KCNQ1: variants seen among roughly 807,000 people sequenced by gnomAD.
KCNQ1 encodes potassium voltage-gated channel subfamily KQT member 1.
A neutral mutation model predicts 72.4 loss-of-function variants in KCNQ1; 49 were observed. The ratio of observed to expected loss-of-function variants is 0.68; its 90% CI spans 0.54 to 0.86. The LOEUF (loss-of-function observed/expected upper bound fraction) is 0.86. KCNQ1 is among the 40% of genes least tolerant of loss of function. The pLI is 0.00. For synonymous variants in KCNQ1, 450 were observed against 412.6 expected (o/e 1.09, Z -1.10); for missense variants, 790 against 945.1 (o/e 0.84, Z 2.15).
intron 10 of KCNQ1, chr11:2,650,430 G>C (rs191052632): frequency 2.5e-6 from 1 of 398,426 alleles, no homozygotes; most frequent in Non-Finnish European, 4.4e-6. Flanking sequence ...CTGTACACGC[G>C]TCTGTAGTAT....
chr11:2,600,264 C>T lies in KCNQ1; in HGVS notation c.1393+11410C>T, dbSNP rs965855159. Among the ~76,000 whole-genome samples the T allele has an allele frequency of 1.3e-5, 2 of 152,134 alleles. No individual in the cohort carries two copies. The highest frequency in any genetic ancestry group is 4.8e-5 in the African/African-American group (2 of 41,410). On this transcript the variant is annotated intron_variant, in intron 10 of 15. Transcript: ENST00000155840. The surrounding 1 kb of genome is among the most constrained non-coding windows in gnomAD (Gnocchi z 5.6). ...ATGTCCCCTGGAGGGCAAAATTGCC[C>T]CCAGTTGTGACCTGCTGAGCTAAAG...
intron 1 of KCNQ1, among the ~76,000 whole-genome samples, chr11:2,456,956 A>C (rs56120872): frequency 0.78 from 82,438 of 105,970 alleles, 32,322 homozygotes; most frequent in Non-Finnish European, 0.87. Flanking sequence ...AAAAAAAAAA[A>C]AAAAAAAAAC....
rs1397504248 is a variant in KCNQ1, at chr11:2,715,600, G to A, written c.1515-53244G>A. 6.6e-6 allele frequency among the ~76,000 whole-genome samples: 1 copy of A among 152,088 alleles called. No individual in the cohort carries two copies. Among genetic ancestry groups the A allele is most frequent in the Non-Finnish European group, 1.5e-5 (1 of 68,002 alleles). ...CACCACCCCTGCTGGGGTCCCCTGG[G>A]ACCCATCCTTCCAAGCCCCTGCCAG... On this transcript the variant is annotated intron_variant, in intron 11 of 15. Transcript: ENST00000155840. The surrounding 1 kb of genome is among the most constrained non-coding windows in gnomAD (Gnocchi z 4.9).
rs1386803007 is a variant in KCNQ1, at chr11:2,734,752, GC to G, written c.1515-34091del. Among the ~76,000 whole-genome samples the G allele has an allele frequency of 6.6e-6, 1 of 151,926 alleles. No homozygotes were observed. The highest frequency in any genetic ancestry group is 1.5e-5 in the Non-Finnish European group (1 of 67,962). ...AGCTGCTATGTAGACAGAAGCGAGG[GC>G]AAGACCACCGCTCCTCCGCCATAAA... On this transcript the variant is annotated intron_variant, in intron 11 of 15. Coordinates refer to ENST00000155840, the MANE Select transcript of KCNQ1 (RefSeq NM_000218.3). The surrounding 1 kb of genome is among the most constrained non-coding windows in gnomAD (Gnocchi z 7.0).
intron 15 of KCNQ1, among the ~76,000 whole-genome samples, chr11:2,814,322 G>A (rs971386493): frequency 9.9e-5 from 15 of 151,756 alleles, no homozygotes; most frequent in East Asian, 1.9e-4. Flanking sequence ...TGGATGGATC[G>A]ATGGGTGTGT....
intron 1 of KCNQ1, among the ~76,000 whole-genome samples, chr11:2,459,147 G>T (rs997807651): frequency 6.6e-6 from 1 of 152,166 alleles, no homozygotes; most frequent in African/African-American, 2.4e-5. Context: ...CTCCCAGCTG[G>T]CCATGTTACC....
At chr11:2,780,843 T>C (rs567068272) in intron 15 of KCNQ1, among the ~76,000 whole-genome samples, 1 of 152,300 alleles carries the variant, frequency 6.6e-6, no homozygotes, top group South Asian at 2.1e-4. Context: ...GTCTCCCTTC[T>C]CGTCACAGTC....
At chr11:2,523,659 C>T (rs1240948450) in intron 1 of KCNQ1, among the ~76,000 whole-genome samples, 1 of 151,920 alleles carries the variant, frequency 6.6e-6, no homozygotes, top group Non-Finnish European at 1.5e-5. Context: ...GGGGTTATCT[C>T]AGCTTCCACA....
chr11:2,693,309 G>A (rs1257652491), intron 11 of KCNQ1: 8 of 398,658 alleles, frequency 2.0e-5, no homozygotes, highest in African/African-American at 4.1e-5. Flanking sequence ...AGCACCCACA[G>A]GCCTGGGCCC....
intron 5 of KCNQ1, 133 bp from the exon 6 acceptor site, chr11:2,572,713 C>T: frequency 8.6e-7 from 1 of 1,167,084 alleles, no homozygotes; most frequent in Non-Finnish European, 1.2e-6. Context: ...TGAAGCCGGC[C>T]CTGTGCATGT....
intron 11 of KCNQ1, chr11:2,675,862 C>T (rs887569071): frequency 2.8e-5 from 11 of 398,590 alleles, no homozygotes; most frequent in African/African-American, 1.6e-4. Context: ...CCAACACCTG[C>T]CTTCTGGGGA....
chr11:2,445,573 C>T, intron 1 of KCNQ1, 89 bp downstream of exon 1: 1 of 1,445,732 alleles, frequency 6.9e-7, no homozygotes, highest in Non-Finnish European at 9.4e-7. Flanking sequence ...CCTGCCCCGT[C>T]GGAGCTGCGA....
rs140770541 is a variant in KCNQ1 at position 2,652,215 on chromosome 11, G to A, written c.1394-9746G>A. 40 of 398,490 alleles carry A rather than the reference G, an allele frequency of 1.0e-4. No homozygotes were observed. The highest frequency in any genetic ancestry group is 1.3e-4 in the Admixed American group (3 of 22,712). The allele number at this position is 398,490 out of a possible 1,614,324, so 24.7% of individuals were successfully genotyped here. On this transcript the variant is annotated intron_variant, in intron 10 of 15. Transcript: ENST00000155840. This position sits in a 1 kb window ranked among gnomAD's most constrained non-coding sequence, Gnocchi z 5.9. ...GATTTGGTAGCCAGGGCCTGGAGCCGGATGCTGAGAATGAGGCCTGCAACT... is the reference window on the plus strand; with the variant it reads ...GATTTGGTAGCCAGGGCCTGGAGCCAGATGCTGAGAATGAGGCCTGCAACT...
In KCNQ1 at chr11:2,733,796, A is replaced by T. The variant is rs1456753471; in HGVS notation, c.1515-35048A>T. Among the ~76,000 whole-genome samples the T allele has an allele frequency of 1.6e-3, 102 of 65,638 alleles. 3 individuals are homozygous for T. The highest frequency in any genetic ancestry group is 4.3e-3 in the African/African-American group (50 of 11,562). 43.1% of individuals were successfully genotyped at this position (65,638 alleles called of 152,430 possible). Reference sequence around the variant, plus strand: ...CTTCCACACACACACACACACACACACACACACACACACACACACTCTCTC... The same window carrying T: ...CTTCCACACACACACACACACACACTCACACACACACACACACACTCTCTC... On this transcript the variant is annotated intron_variant, in intron 11 of 15. Transcript: ENST00000155840.
intron 11 of KCNQ1, among the ~76,000 whole-genome samples, chr11:2,707,538 A>AGACCTGCCAGGCTCTCAGAGCAGCCTG (rs1850930458): frequency 1.3e-5 from 2 of 152,000 alleles, no homozygotes; most frequent in Non-Finnish European, 2.9e-5. Flanking sequence ...TCCAGCTCTG[A>AGACCTGCCAGGCTCTCAGAGCAGCCTG]GACCTGCCAG....
Position 2,659,494 on chromosome 11 carries a change from A to T in KCNQ1, c.1394-2467A>T. 1 of 398,532 alleles carries T rather than the reference A, an allele frequency of 2.5e-6. No individual in the cohort carries two copies. Among genetic ancestry groups the T allele is most frequent in the Non-Finnish European group, 4.4e-6 (1 of 226,016 alleles). 24.7% of individuals were successfully genotyped at this position (398,532 alleles called of 1,614,324 possible). On this transcript the variant is annotated intron_variant, in intron 10 of 15. Transcript: ENST00000155840. The surrounding 1 kb of genome is among the most constrained non-coding windows in gnomAD (Gnocchi z 4.3). ...TTGCATGAATATATACATTTTGTTT[A>T]TGCATTCACCTGTTGAAGGACATCT... is the stretch of plus-strand genomic sequence containing the variant.
rs562981831 is a variant in KCNQ1 at position 2,627,674 on chromosome 11, A to ATG, written c.1394-34273_1394-34272dup. The ATG allele has an allele frequency of 7.3e-5, 29 of 397,748 alleles. No homozygotes were observed. The highest frequency in any genetic ancestry group is 9.3e-5 in the Non-Finnish European group (21 of 225,726). 24.6% of individuals were successfully genotyped at this position (397,748 alleles called of 1,614,324 possible). ...AATATTTCATTGTGTGTGTGTATAT[A>ATG]TGTGTGTGTGTGTGTCTGTATGTAT... On this transcript the variant is annotated intron_variant, in intron 10 of 15. Coordinates refer to ENST00000155840, the MANE Select transcript of KCNQ1 (RefSeq NM_000218.3). The surrounding 1 kb of genome is among the most constrained non-coding windows in gnomAD (Gnocchi z 4.9).
intron 11 of KCNQ1, chr11:2,675,107 G>A: frequency 2.5e-6 from 1 of 398,688 alleles, no homozygotes. Context: ...GGACAGACCT[G>A]AAGGTGGGTT....
intron 1 of KCNQ1, among the ~76,000 whole-genome samples, chr11:2,518,962 T>G (rs1339437320): frequency 6.6e-6 from 1 of 152,028 alleles, no homozygotes; most frequent in Non-Finnish European, 1.5e-5. Flanking sequence ...GTGAAGCGGG[T>G]GTGGGATCAC....
Sources: allele counts gnomAD v4.1 joint callset (sites outside exome capture counted in the v4.1 genomes callset), GRCh38; gene constraint gnomAD v4.1.1; non-coding constraint Gnocchi (gnomAD v3.1); transcripts MANE v1.5; gene names NCBI Gene and HGNC (gene_info 2026-07-23, HGNC 2026-07-21).